Variants in IQCH observed in about 807,000 individuals in gnomAD.
IQCH encodes the protein IQ motif containing H.
In IQCH, 98 loss-of-function variants were observed where a neutral mutation model predicts 117.0. That is an observed-to-expected ratio of 0.84 (90% CI 0.71 to 0.99). The LOEUF is 0.99. Among genes scored for constraint, IQCH ranks in the 50% least tolerant of loss-of-function variants. The probability of loss-of-function intolerance (pLI) is 0.00; values close to 1 mark genes in which losing one functional copy is unlikely to be tolerated. For synonymous variants in IQCH, 412 were observed against 448.2 expected (o/e 0.92, Z 1.02); for missense variants, 1,102 against 1,243.8 (o/e 0.89, Z 1.72).
intron 5 of IQCH, among the ~76,000 whole-genome samples, chr15:67,340,572 A>G (rs1969125394): frequency 6.6e-6 from 1 of 151,920 alleles, no homozygotes; most frequent in African/African-American, 2.4e-5. Context: ...GTACAAAGAG[A>G]GCAGCACTGA....
chr15:67,306,334 T>C (rs1316821007), intron 4 of IQCH, among the ~76,000 whole-genome samples: 2 of 152,098 alleles, frequency 1.3e-5, no homozygotes, highest in African/African-American at 2.4e-5. Flanking sequence ...ACTAGAGTAA[T>C]GTGTCTAGCA....
At chr15:67,325,175 C>G (rs970670459) in intron 4 of IQCH, among the ~76,000 whole-genome samples, 2 of 152,048 alleles carry the variant, frequency 1.3e-5, no homozygotes, top group African/African-American at 4.8e-5. Flanking sequence ...CTTTCTTCTG[C>G]CTACTCAAAT....
chr15:67,482,970 G>A (rs1278714590), intron 18 of IQCH, among the ~76,000 whole-genome samples: 1 of 152,112 alleles, frequency 6.6e-6, no homozygotes, highest in Admixed American at 6.5e-5. Flanking sequence ...ATAAAATACG[G>A]AATTGTTTTA....
At chr15:67,489,519 G>GGGTGAGGTCAGGAGTTCAAGATCTA (rs11276406) in intron 18 of IQCH, among the ~76,000 whole-genome samples, 1 of 150,964 alleles carries the variant, frequency 6.6e-6, no homozygotes, top group African/African-American at 2.4e-5. Context: ...CTGGCCTCCT[G>GGGTGAGGTCAGGAGTTCAAGATCTA]GGCTCACTGC....
At chr15:67,349,317 G>C (rs1969545319) in intron 6 of IQCH, among the ~76,000 whole-genome samples, 1 of 152,078 alleles carries the variant, frequency 6.6e-6, no homozygotes, top group South Asian at 2.1e-4. Flanking sequence ...TTAAGAAAAT[G>C]AAAAGAAAAG....
rs145781772 is a variant in IQCH at position 67,474,364 on chromosome 15, G to A, written c.2677-1332G>A. ...TGCGTCACCACAGTTCAAGAGCCAA[G>A]CCAGGCACCTTTATCTTCTATGCCC... On this transcript the variant is annotated intron_variant, in intron 17 of 20. Coordinates refer to ENST00000335894, the MANE Select transcript of IQCH (RefSeq NM_001031715.3). The surrounding 1 kb of genome is among the most constrained non-coding windows in gnomAD (Gnocchi z 4.1). Among the ~76,000 whole-genome samples, 1,032 of 152,192 alleles carry A rather than the reference G, an allele frequency of 6.8e-3. 10 individuals are homozygous for A. Among genetic ancestry groups the A allele is most frequent in the Non-Finnish European group, 0.011 (736 of 68,010 alleles).
rs1241491530 is a variant in IQCH at position 67,422,319 on chromosome 15, T to C, written c.2505+742T>C. The stretch of plus-strand genomic sequence containing the variant: ...CTGTTCCTTTTCTTATCAGACAACT[T>C]AGATTGTCTCATTTTTTTCTTTAAA... On this transcript the variant is annotated intron_variant, in intron 16 of 20. Transcript: ENST00000335894. This position sits in a 1 kb window ranked among gnomAD's most constrained non-coding sequence, Gnocchi z 4.7. Among the ~76,000 whole-genome samples the C allele has an allele frequency of 6.6e-6, 1 of 152,170 alleles. No individual in the cohort carries two copies. Among genetic ancestry groups the C allele is most frequent in the Non-Finnish European group, 1.5e-5 (1 of 68,022 alleles).
Position 67,459,185 on chromosome 15 carries a change from G to A in IQCH, c.2506-5942G>A, listed in dbSNP as rs1567206443. The stretch of plus-strand genomic sequence containing the variant: ...TCATTTATCCTGTCTGAAATCTCTG[G>A]TTCTTCTTACAAAAAGAAAAAGAGG... On this transcript the variant is annotated intron_variant, in intron 16 of 20. Coordinates refer to ENST00000335894, the MANE Select transcript of IQCH (RefSeq NM_001031715.3). This position sits in a 1 kb window ranked among gnomAD's most constrained non-coding sequence, Gnocchi z 4.2. 6.6e-6 allele frequency among the ~76,000 whole-genome samples: 1 copy of A among 152,090 alleles called. No individual in the cohort carries two copies. Among genetic ancestry groups the A allele is most frequent in the African/African-American group, 2.4e-5 (1 of 41,420 alleles).
At chr15:67,281,718 A>C (rs1487975476) in intron 4 of IQCH, 2 of 454,484 alleles carry the variant, frequency 4.4e-6, no homozygotes, top group South Asian at 3.1e-5. Context: ...GCTTTGCAAG[A>C]CCACTTCTGT....
intron 15 of IQCH, among the ~76,000 whole-genome samples, chr15:67,418,667 C>T (rs2081642743): frequency 6.6e-6 from 1 of 151,446 alleles, no homozygotes. Context: ...CAACCTCCGC[C>T]TCCTAGGTTC....
rs147463055 is a variant in IQCH at position 67,346,206 on chromosome 15, G to A, written c.637+2015G>A. On this transcript the variant is annotated intron_variant, in intron 6 of 20. Coordinates refer to ENST00000335894, the MANE Select transcript of IQCH (RefSeq NM_001031715.3). ...AGCAAGAAGACATACATTCCTAAATGTGTATTTACTTAAAAACAGAAATAT... is the reference window on the plus strand; with the variant it reads ...AGCAAGAAGACATACATTCCTAAATATGTATTTACTTAAAAACAGAAATAT... Among the ~76,000 whole-genome samples, 175 of 152,174 alleles carry A rather than the reference G, an allele frequency of 1.1e-3. 1 individual carries two copies. The highest frequency in any genetic ancestry group is 6.8e-3 in the Middle Eastern group (2 of 294).
At chr15:67,442,351 G>A (rs2082290886) in intron 16 of IQCH, among the ~76,000 whole-genome samples, 1 of 151,824 alleles carries the variant, frequency 6.6e-6, no homozygotes, top group African/African-American at 2.4e-5. Flanking sequence ...CGGAGGTTGT[G>A]GTGAGCCAAG....
At chr15:67,286,787 A>C (rs539769252) in intron 4 of IQCH, among the ~76,000 whole-genome samples, 1 of 151,162 alleles carries the variant, frequency 6.6e-6, no homozygotes, top group Admixed American at 6.6e-5. Context: ...TTTTTTTTGT[A>C]TTTTTAGTAG....
intron 12 of IQCH, among the ~76,000 whole-genome samples, chr15:67,389,639 T>G (rs2140841527): frequency 6.6e-6 from 1 of 152,294 alleles, no homozygotes; most frequent in African/African-American, 2.4e-5. Flanking sequence ...TCCCTACACT[T>G]TAACAAGAAT....
chr15:67,475,835 T>G lies in IQCH; in HGVS notation c.2799+17T>G. On this transcript the variant is annotated intron_variant, in intron 18 of 20. Coordinates refer to ENST00000335894, the MANE Select transcript of IQCH (RefSeq NM_001031715.3). The surrounding 1 kb of genome is among the most constrained non-coding windows in gnomAD (Gnocchi z 5.7). ...GATGTTGAGGTATGAAGGGTTACAGTTGGCCAGGGGCGGCCAAAGACATGC... is the reference window on the plus strand; with the variant it reads ...GATGTTGAGGTATGAAGGGTTACAGGTGGCCAGGGGCGGCCAAAGACATGC... 1 of 1,612,730 alleles carries G rather than the reference T, an allele frequency of 6.2e-7. No individual in the cohort carries two copies.
intron 5 of IQCH, among the ~76,000 whole-genome samples, chr15:67,338,235 C>CTATCTATCTATCTATCTATCTGTT (rs56991765): frequency 1.1e-4 from 16 of 149,520 alleles, no homozygotes; most frequent in Non-Finnish European, 2.2e-4. Context: ...ATCTATCTAT[C>CTATCTATCTATCTATCTATCTGTT]TATCTATCTA....
At chr15:67,317,163 T>C (rs1303277833) in intron 4 of IQCH, among the ~76,000 whole-genome samples, 1 of 152,236 alleles carries the variant, frequency 6.6e-6, no homozygotes, top group Non-Finnish European at 1.5e-5. Flanking sequence ...AATACCTTGT[T>C]AAAGACCTGT....
chr15:67,388,415 T>C lies in IQCH; in HGVS notation c.1457-416T>C, dbSNP rs1193565171. On this transcript the variant is annotated intron_variant, in intron 11 of 20. Transcript: ENST00000335894. The surrounding 1 kb of genome is among the most constrained non-coding windows in gnomAD (Gnocchi z 5.5). Reference sequence around the variant, plus strand: ...TGTCAAGTCCATACAGAATAAGAAATTGCAATTTCATCAGCTTTGTAAAGT... The same window carrying C: ...TGTCAAGTCCATACAGAATAAGAAACTGCAATTTCATCAGCTTTGTAAAGT... Among the ~76,000 whole-genome samples, 2 of 151,996 alleles carry C rather than the reference T, an allele frequency of 1.3e-5. No homozygotes were observed. Among genetic ancestry groups the C allele is most frequent in the East Asian group, 3.9e-4 (2 of 5,184 alleles).
At chr15:67,263,276 C>T in intron 3 of IQCH, 60 bp downstream of exon 3, 2 of 854,150 alleles carry the variant, frequency 2.3e-6, no homozygotes, top group Non-Finnish European at 3.9e-6. Context: ...ACTTTTCTCA[C>T]TCAAGTGAGA....
Sources: allele counts gnomAD v4.1 joint callset (sites outside exome capture counted in the v4.1 genomes callset), GRCh38; gene constraint gnomAD v4.1.1; non-coding constraint Gnocchi (gnomAD v3.1); transcripts MANE v1.5; gene names NCBI Gene and HGNC (gene_info 2026-07-23, HGNC 2026-07-21).